The following EZR variants were observed in gnomAD, a reference collection of about 807,000 sequenced individuals.
The protein encoded by EZR is ezrin.
Under a neutral mutation model 74.8 loss-of-function variants are expected in EZR, and 40 were observed. The observed-to-expected ratio is 0.53, with a 90% CI of 0.42 to 0.70. The LOEUF is 0.70. Ranked by LOEUF, EZR falls within the 30% of genes least tolerant of loss-of-function variation. EZR has a pLI of 0.00. For missense variants in EZR, 678 were observed against 755.8 expected, an observed-to-expected ratio of 0.90 and a Z score of 1.21; for synonymous variants, 341 against 283.3, an observed-to-expected ratio of 1.20 and a Z score of -2.05.
chr6:158,791,279 C>G (rs559967342), intron 2 of EZR, among the ~76,000 whole-genome samples: 1 of 152,190 alleles, frequency 6.6e-6, no homozygotes, highest in South Asian at 2.1e-4. Flanking sequence ...TAGGAGGCAA[C>G]GAGACATGTT....
intron 10 of EZR, 76 bp downstream of exon 10, chr6:158,770,688 G>A (rs1268197744): frequency 6.0e-6 from 9 of 1,505,680 alleles, no homozygotes; most frequent in East Asian, 2.3e-5. Flanking sequence ...CTGGTGAGTG[G>A]GTGGGTGGGT....
rs141426556 is a variant in EZR, at chr6:158,766,947, G to A, written c.1728C>T (p.Thr576=). 135 of 1,614,068 alleles carry A rather than the reference G, an allele frequency of 8.4e-5. 1 individual carries two copies. The highest frequency in any genetic ancestry group is 1.1e-4 in the Non-Finnish European group (131 of 1,180,030). ...CCTCGAACTCGTCGATGCGCTGCTT[G>A]GTGTTGCCCTGCCGGATCTGCCGCA... ...KTLRQIRQGN[T]KQRIDEFEAL The change falls in exon 14 of 14, where the codon ACC becomes ACT. Residue 576 remains threonine, a synonymous_variant. Coordinates refer to ENST00000367075, the MANE Select transcript of EZR (RefSeq NM_001111077.2).
At chr6:158,769,979 T>C (rs1791049284) in intron 10 of EZR, 35 bp from the exon 11 acceptor site, 1 of 1,602,418 alleles carries the variant, frequency 6.2e-7, no homozygotes, top group Non-Finnish European at 8.5e-7. Context: ...ATTCAAACCC[T>C]CAGCCCAGGG....
intron 2 of EZR, among the ~76,000 whole-genome samples, chr6:158,805,337 G>GAAAAAAAAAAAAAAAAAAAAAA (rs56269785): frequency 8.6e-6 from 1 of 116,888 alleles, no homozygotes; most frequent in Admixed American, 9.9e-5. Context: ...TCCATCTCAG[G>GAAAAAAAAAAAAAAAAAAAAAA]AAAAAAAAAA....
intron 2 of EZR, among the ~76,000 whole-genome samples, chr6:158,813,135 C>T (rs1777482252): frequency 6.6e-6 from 1 of 152,156 alleles, no homozygotes; most frequent in Non-Finnish European, 1.5e-5. Flanking sequence ...GACCTGTCTT[C>T]CTCTCTAGCC....
At chr6:158,768,232 G>C (rs889557049) in intron 12 of EZR, among the ~76,000 whole-genome samples, 1 of 151,918 alleles carries the variant, frequency 6.6e-6, no homozygotes, top group African/African-American at 2.4e-5. Flanking sequence ...ACCCCCCTTT[G>C]CTTTTCTCTC....
At position 158,766,051 on chromosome 6, in the gene EZR, T is replaced by G. The variant is rs1790773560; in HGVS notation, c.*863A>C. 1 of 152,640 alleles carries G rather than the reference T, an allele frequency of 6.6e-6. No homozygotes were observed. The highest frequency in any genetic ancestry group is 6.5e-5 in the Admixed American group (1 of 15,278). 9.5% of individuals were successfully genotyped at this position (152,640 alleles called of 1,614,324 possible). On this transcript the variant is annotated 3_prime_UTR_variant, in exon 14 of 14. Transcript: ENST00000367075. ...ATAAAACACTAATAATAATCCTGTT[T>G]ACACGTGACTGCAGCAGGCAGGTCC... is the stretch of plus-strand genomic sequence containing the variant.
intron 2 of EZR, among the ~76,000 whole-genome samples, chr6:158,814,062 CCTA>C (rs571015487): frequency 1.7e-3 from 260 of 152,244 alleles, no homozygotes; most frequent in African/African-American, 6.0e-3. Flanking sequence ...AGCACCAACT[CCTA>C]CAACTCTCCC....
intron 4 of EZR, among the ~76,000 whole-genome samples, chr6:158,786,674 ATAATT>A (rs1791591123): frequency 6.7e-6 from 1 of 149,870 alleles, no homozygotes; most frequent in Admixed American, 6.6e-5. Flanking sequence ...AAAAAAAAGG[ATAATT>A]TTCAGAGTTT....
intron 13 of EZR, 60 bp downstream of exon 13, chr6:158,767,201 A>G (rs1028960734): frequency 6.3e-7 from 1 of 1,584,358 alleles, no homozygotes; most frequent in Non-Finnish European, 8.6e-7. Flanking sequence ...TGCCCTCCCC[A>G]AGCCTGTCTG....
chr6:158,807,087 C>T (rs929247715), intron 2 of EZR, among the ~76,000 whole-genome samples: 2 of 151,930 alleles, frequency 1.3e-5, no homozygotes, highest in African/African-American at 4.8e-5. Flanking sequence ...CTGAGGCGGG[C>T]GGATCATGAG....
intron 2 of EZR, among the ~76,000 whole-genome samples, chr6:158,817,512 T>TA (rs1348001320): frequency 6.6e-6 from 1 of 152,212 alleles, no homozygotes. Flanking sequence ...AACCTTCTGT[T>TA]AGAGACAGAA....
chr6:158,813,273 C>CA (rs1263392769), intron 2 of EZR, among the ~76,000 whole-genome samples: 1 of 152,164 alleles, frequency 6.6e-6, no homozygotes. Context: ...CCCCTATTTG[C>CA]ACCCCCACCA....
At position 158,790,993 on chromosome 6, in the gene EZR, G is replaced by A. The variant is rs144296327; in HGVS notation, c.13-1622C>T. Among the ~76,000 whole-genome samples, 12 of 152,258 alleles carry A rather than the reference G, an allele frequency of 7.9e-5. No individual in the cohort carries two copies. In the East Asian group the frequency reaches 1.2e-3, roughly 15 times the overall value. On this transcript the variant is annotated intron_variant, in intron 2 of 13. Transcript: ENST00000367075. ...CGTATTACCTGTGCCAGTATATGGC[G>A]ACAGAGGTTTCGTTATCCAGCCAGG...
chr6:158,771,622 T>C (rs954769778), intron 8 of EZR, among the ~76,000 whole-genome samples: 1 of 151,978 alleles, frequency 6.6e-6, no homozygotes, highest in Non-Finnish European at 1.5e-5. Flanking sequence ...TATGTAGCAC[T>C]GGGAAAGTGC....
intron 7 of EZR, among the ~76,000 whole-genome samples, chr6:158,779,489 T>C (rs1199636494): frequency 1.3e-5 from 2 of 152,230 alleles, no homozygotes; most frequent in African/African-American, 4.8e-5. Context: ...AAGGTGTTAA[T>C]GTTTGAGGAA....
intron 8 of EZR, among the ~76,000 whole-genome samples, chr6:158,771,737 G>A (rs920619407): frequency 1.3e-5 from 2 of 152,192 alleles, no homozygotes; most frequent in Non-Finnish European, 2.9e-5. Flanking sequence ...CACGTTAACT[G>A]CAAAGCTTTT....
At chr6:158,798,693 G>A (rs1310164837) in intron 2 of EZR, among the ~76,000 whole-genome samples, 9 of 149,166 alleles carry the variant, frequency 6.0e-5, no homozygotes, top group East Asian at 3.9e-4. Context: ...GTGCAGTGGC[G>A]TGATCTCAGC....
chr6:158,782,920 T>C (rs1302082680), intron 7 of EZR, among the ~76,000 whole-genome samples: 1 of 152,230 alleles, frequency 6.6e-6, no homozygotes, highest in Admixed American at 6.5e-5. Context: ...ATGCCCTGTA[T>C]GTGAAAGCGG....
Sources: gnomAD v4.1 joint callset for allele counts (sites outside exome capture counted in the v4.1 genomes callset) on GRCh38, gnomAD v4.1.1 for gene constraint, MANE v1.5 for transcripts, NCBI Gene and HGNC (gene_info 2026-07-23, HGNC 2026-07-21) for gene names.